PDGFRL: variants seen among roughly 807,000 people sequenced by gnomAD.
PDGFRL encodes platelet derived growth factor receptor like, also known as platelet-derived growth factor receptor-like protein.
A neutral mutation model predicts 37.2 loss-of-function variants in PDGFRL; 46 were observed. The ratio of observed to expected loss-of-function variants is 1.24; its 90% CI spans 0.98 to 1.58. The LOEUF (loss-of-function observed/expected upper bound fraction) is 1.58, where lower values mean the gene tolerates loss of function less well. Ranked by LOEUF, PDGFRL falls within the 40% of genes most tolerant of loss-of-function variation. The pLI is 0.00. For missense variants in PDGFRL, 692 were observed against 467.6 expected (o/e 1.48, Z -4.43); for synonymous variants, 251 against 184.3 (o/e 1.36, Z -2.93).
At chr8:17,590,767 G>GT (rs1803919860) in intron 2 of PDGFRL, among the ~76,000 whole-genome samples, 1 of 151,912 alleles carries the variant, frequency 6.6e-6, no homozygotes, top group African/African-American at 2.4e-5. Flanking sequence ...GTTTTATGTT[G>GT]TTTTTTTAAG....
In PDGFRL at chr8:17,642,819, A is replaced by AATG. The variant is rs1805175031; in HGVS notation, c.*20_*22dup. 1 of 1,544,196 alleles carries AATG rather than the reference A, an allele frequency of 6.5e-7. No individual in the cohort carries two copies. Among genetic ancestry groups the AATG allele is most frequent in the Non-Finnish European group, 8.9e-7 (1 of 1,118,416 alleles). On this transcript the variant is annotated 3_prime_UTR_variant, in exon 6 of 6. Coordinates refer to ENST00000251630, the MANE Select transcript of PDGFRL (RefSeq NM_001372073.1). ...TTTCCTGACTTGGAAAAGGAAATGT[A>AATG]ATGAACTTATGGAAAGCCCATTTGT...
chr8:17,605,387 T>G (rs545818831), intron 2 of PDGFRL, among the ~76,000 whole-genome samples: 15 of 152,362 alleles, frequency 9.8e-5, no homozygotes, highest in African/African-American at 3.6e-4. Flanking sequence ...TCTTGCATTT[T>G]GTTGATAATA....
intron 2 of PDGFRL, among the ~76,000 whole-genome samples, chr8:17,600,909 G>A (rs1286440069): frequency 1.3e-5 from 2 of 152,056 alleles, no homozygotes; most frequent in African/African-American, 4.8e-5. Flanking sequence ...TTGGGCCCAG[G>A]AGCTCAAGAC....
At chr8:17,621,301 T>C (rs985495491) in intron 3 of PDGFRL, 99 bp downstream of exon 3, 1 of 713,016 alleles carries the variant, frequency 1.4e-6, no homozygotes, top group Admixed American at 2.8e-5. Context: ...ATAATGACAA[T>C]CAGAGCACTT....
chr8:17,617,029 C>T (rs1477996264), intron 2 of PDGFRL, among the ~76,000 whole-genome samples: 4 of 152,212 alleles, frequency 2.6e-5, no homozygotes, highest in Admixed American at 6.5e-5. Context: ...CAGGAGAGAG[C>T]AGCCTGGGCT....
At chr8:17,624,483 A>T (rs570170567) in intron 3 of PDGFRL, among the ~76,000 whole-genome samples, 115 of 152,312 alleles carry the variant, frequency 7.6e-4, no homozygotes, top group African/African-American at 2.7e-3. Context: ...CAGCTCAATA[A>T]ATTATCCTTA....
At chr8:17,595,297 GC>G (rs2150817127) in intron 2 of PDGFRL, among the ~76,000 whole-genome samples, 1 of 152,232 alleles carries the variant, frequency 6.6e-6, no homozygotes, top group African/African-American at 2.4e-5. Flanking sequence ...GGCGTTCAAA[GC>G]CTTTCCAAGT....
intron 1 of PDGFRL, among the ~76,000 whole-genome samples, chr8:17,580,455 T>C (rs183638469): frequency 2.4e-4 from 36 of 152,268 alleles, no homozygotes; most frequent in Non-Finnish European, 5.1e-4. Context: ...ATGTTTGACA[T>C]ACAAAACCAT....
intron 5 of PDGFRL, among the ~76,000 whole-genome samples, chr8:17,637,919 G>C (rs1338495801): frequency 2.7e-5 from 1 of 37,570 alleles, no homozygotes; most frequent in African/African-American, 9.3e-5. Flanking sequence ...GTAATATCTT[G>C]TTTCATTTCT....
chr8:17,627,989 C>CTTTTTTTTTT (rs35707610), intron 3 of PDGFRL, among the ~76,000 whole-genome samples: 7 of 89,214 alleles, frequency 7.8e-5, no homozygotes, highest in African/African-American at 1.1e-4. Flanking sequence ...TTCTTTCTTT[C>CTTTTTTTTTT]TTTTTTTTTT....
chr8:17,589,497 C>G lies in PDGFRL; in HGVS notation c.85C>G (p.Arg29Gly). 6.2e-7 allele frequency: 1 copy of G among 1,613,480 alleles called. No individual in the cohort carries two copies. Among genetic ancestry groups the G allele is most frequent in the Non-Finnish European group, 8.5e-7 (1 of 1,179,636 alleles). Residue 29 changes from arginine (R) to glycine (G), a missense_variant, in exon 2 of 6, where the codon CGT (arginine) becomes GGT (glycine). Transcript: ENST00000251630. ...VTGQHLPKNKRPKEPGENRIK... is the reference protein window; with the variant it reads ...VTGQHLPKNKGPKEPGENRIK... ...TGGCCAACACCTTCCCAAGAACAAG[C>G]GTCCAAAAGAACCAGGAGAGAATAG...
At chr8:17,616,637 T>C (rs1437210435) in intron 2 of PDGFRL, among the ~76,000 whole-genome samples, 2 of 152,176 alleles carry the variant, frequency 1.3e-5, no homozygotes, top group Non-Finnish European at 2.9e-5. Context: ...GATTTGCGCA[T>C]GTTGACATCC....
chr8:17,633,963 G>C (rs951004460), intron 4 of PDGFRL, 111 bp from the exon 5 acceptor site: 4 of 1,113,026 alleles, frequency 3.6e-6, no homozygotes, highest in Non-Finnish European at 5.5e-6. Context: ...TCAGGGAGCT[G>C]TGAGAAAGGC....
At chr8:17,622,191 T>C (rs1804648759) in intron 3 of PDGFRL, among the ~76,000 whole-genome samples, 1 of 152,234 alleles carries the variant, frequency 6.6e-6, no homozygotes, top group Non-Finnish European at 1.5e-5. Context: ...CTCAGCCTCT[T>C]TCTTCTGTAA....
chr8:17,603,898 C>T (rs531041232), intron 2 of PDGFRL, among the ~76,000 whole-genome samples: 2 of 152,064 alleles, frequency 1.3e-5, no homozygotes, highest in South Asian at 4.2e-4. Flanking sequence ...TAAGGAAATT[C>T]CAGAAAGAGA....
intron 2 of PDGFRL, among the ~76,000 whole-genome samples, chr8:17,613,278 G>A (rs537261661): frequency 2.0e-5 from 3 of 152,290 alleles, no homozygotes; most frequent in African/African-American, 7.2e-5. Context: ...GGTTTGTGGT[G>A]TCAAGGGGAT....
At chr8:17,576,641 A>C, upstream of PDGFRL, 1 of 878,904 alleles carries the variant, frequency 1.1e-6, no homozygotes, top group Non-Finnish European at 1.4e-6. Flanking sequence ...CTCATTTTCC[A>C]CGTTATTCCT....
chr8:17,584,744 A>T (rs1055356911), intron 1 of PDGFRL, among the ~76,000 whole-genome samples: 10 of 151,006 alleles, frequency 6.6e-5, no homozygotes, highest in Non-Finnish European at 1.5e-5. Flanking sequence ...AAGATACTTT[A>T]AACAGTGGTA....
At chr8:17,633,227 C>T (rs915898623) in intron 4 of PDGFRL, among the ~76,000 whole-genome samples, 1 of 152,110 alleles carries the variant, frequency 6.6e-6, no homozygotes, top group South Asian at 2.1e-4. Flanking sequence ...CCATGAGTTG[C>T]AGATCAGCTT....
Sources: allele counts gnomAD v4.1 joint callset (sites outside exome capture counted in the v4.1 genomes callset), GRCh38; gene constraint gnomAD v4.1.1; transcripts MANE v1.5; gene names NCBI Gene and HGNC (gene_info 2026-07-23, HGNC 2026-07-21).